The following ADI1 variants were observed in gnomAD, a reference collection of about 807,000 sequenced individuals.
ADI1 encodes the protein acireductone dioxygenase 1.
Under a neutral mutation model 18.7 loss-of-function variants are expected in ADI1, and 21 were observed. The ratio of observed to expected loss-of-function variants is 1.13; its 90% CI spans 0.80 to 1.62. The LOEUF is 1.62. Ranked by LOEUF, ADI1 falls within the 40% of genes most tolerant of loss-of-function variation. ADI1 has a pLI of 0.00. For synonymous variants in ADI1, 90 were observed against 100.1 expected, an observed-to-expected ratio of 0.90 and a Z score of 0.60; for missense variants, 245 against 254.9, an observed-to-expected ratio of 0.96 and a Z score of 0.26.
intron 1 of ADI1, among the ~76,000 whole-genome samples, chr2:3,518,894 G>A: frequency 6.6e-6 from 1 of 152,204 alleles, no homozygotes; most frequent in East Asian, 1.9e-4. Flanking sequence ...CTGCGCGTGC[G>A]CAGCGAGTCC....
chr2:3,516,821 T>C (rs1667419321), intron 1 of ADI1: 2 of 985,334 alleles, frequency 2.0e-6, no homozygotes, highest in Non-Finnish European at 2.4e-6. Context: ...ATTAAACAGA[T>C]ACACAAACAT....
rs765128004 is a variant in ADI1, at chr2:3,513,974, C to T, written c.123G>A (p.Leu41=). ...GATCATTCTCATATTTGTCAGCATCCAGCTAAAAGAGTTAACCCACCAAAA... is the reference window on the plus strand; with the variant it reads ...GATCATTCTCATATTTGTCAGCATCTAGCTAAAAGAGTTAACCCACCAAAA... The part of the protein sequence containing the change: ...LRRLGVLYWK[L]DADKYENDPE... Residue 41 remains leucine (L), a splice_region_variant and synonymous_variant, in exon 2 of 4, where the codon CTG becomes CTA. Transcript: ENST00000327435. 3.1e-6 allele frequency: 5 copies of T among 1,598,970 alleles called. No homozygotes were observed. The East Asian group carries it at 1.1e-4, about 36-fold the overall frequency.
At chr2:3,508,063 G>A (rs1024239065) in intron 2 of ADI1, among the ~76,000 whole-genome samples, 2 of 151,950 alleles carry the variant, frequency 1.3e-5, no homozygotes, top group African/African-American at 4.8e-5. Context: ...GGCCGGGCAC[G>A]GTGGCTCACA....
rs189573747 is a variant in ADI1, at chr2:3,501,165, C to T, written c.241-172G>A. ...AATTATTTTCCTAACAGTACAAGGG[C>T]CAGAGCTAGAATATTTTATGAAACC... On this transcript the variant is annotated intron_variant, in intron 2 of 3. Coordinates refer to ENST00000327435, the MANE Select transcript of ADI1 (RefSeq NM_018269.4). Among the ~76,000 whole-genome samples, 6 of 152,246 alleles carry T rather than the reference C, an allele frequency of 3.9e-5. No homozygotes were observed. The East Asian group carries it at 1.2e-3, about 29-fold the overall frequency.
At chr2:3,512,518 G>T (rs1195529898) in intron 2 of ADI1, among the ~76,000 whole-genome samples, 1 of 152,194 alleles carries the variant, frequency 6.6e-6, no homozygotes, top group African/African-American at 2.4e-5. Context: ...GATCAAAAGG[G>T]CCCAGGTACA....
chr2:3,518,626 C>T (rs980454565), intron 1 of ADI1, among the ~76,000 whole-genome samples: 3 of 151,856 alleles, frequency 2.0e-5, no homozygotes, highest in Non-Finnish European at 4.4e-5. Context: ...ACCCCACCAC[C>T]GAGCGCTACC....
At chr2:3,500,504 G>A in intron 3 of ADI1, 2 of 288,720 alleles carry the variant, frequency 6.9e-6, no homozygotes, top group Non-Finnish European at 5.7e-6. Flanking sequence ...CTGGGGCAGG[G>A]CCAGGCTCGT....
intron 1 of ADI1, 35 bp downstream of exon 1, chr2:3,519,333 C>T (rs1378753683): frequency 7.3e-7 from 1 of 1,362,316 alleles, no homozygotes; most frequent in African/African-American, 1.5e-5. Flanking sequence ...GGGTCGGCGT[C>T]GCCCGCACGC....
intron 1 of ADI1, among the ~76,000 whole-genome samples, chr2:3,518,139 G>GT (rs1487031429): frequency 6.6e-6 from 1 of 152,196 alleles, no homozygotes; most frequent in Non-Finnish European, 1.5e-5. Flanking sequence ...CTCCAGCAAG[G>GT]TAAGTGTTAA....
At chr2:3,506,326 TG>T (rs980240287) in intron 2 of ADI1, among the ~76,000 whole-genome samples, 19 of 152,328 alleles carry the variant, frequency 1.2e-4, no homozygotes, top group Middle Eastern at 3.4e-3. Flanking sequence ...GAAAAGCTCC[TG>T]GAACTAACAA....
intron 2 of ADI1, among the ~76,000 whole-genome samples, chr2:3,507,503 C>T (rs1395554388): frequency 6.6e-6 from 1 of 151,478 alleles, no homozygotes; most frequent in African/African-American, 2.4e-5. Flanking sequence ...ACTATACAAG[C>T]AAGCAAGAAA....
intron 2 of ADI1, among the ~76,000 whole-genome samples, chr2:3,504,623 C>T (rs371719154): frequency 9.2e-5 from 14 of 152,262 alleles, no homozygotes; most frequent in African/African-American, 3.4e-4. Context: ...TTTCCACATC[C>T]TTAAGCTCTT....
At chr2:3,518,480 G>C (rs1667455743) in intron 1 of ADI1, among the ~76,000 whole-genome samples, 2 of 152,214 alleles carry the variant, frequency 1.3e-5, no homozygotes, top group African/African-American at 4.8e-5. Flanking sequence ...AGCGGATCTG[G>C]ACTGGTGCTG....
intron 1 of ADI1, 179 bp downstream of exon 1, chr2:3,519,189 G>A: frequency 1.1e-6 from 1 of 937,136 alleles, no homozygotes. Context: ...CCACTGCTGA[G>A]CATGCGCAGC....
intron 2 of ADI1, among the ~76,000 whole-genome samples, 190 bp from the exon 3 acceptor site, chr2:3,501,183 A>C (rs781146220): frequency 6.6e-6 from 1 of 152,256 alleles, no homozygotes; most frequent in Non-Finnish European, 1.5e-5. Context: ...AGAATATTTT[A>C]TGAAACCTGT....
chr2:3,505,912 A>T (rs1667166065), intron 2 of ADI1, among the ~76,000 whole-genome samples: 1 of 152,256 alleles, frequency 6.6e-6, no homozygotes, highest in African/African-American at 2.4e-5. Flanking sequence ...GTGAAAACAC[A>T]GTCGTCTATA....
intron 2 of ADI1, among the ~76,000 whole-genome samples, chr2:3,501,309 C>T (rs1024295680): frequency 2.0e-5 from 3 of 152,150 alleles, no homozygotes; most frequent in Non-Finnish European, 4.4e-5. Flanking sequence ...CTATCAGCCC[C>T]GTTTTACAGA....
At chr2:3,515,173 T>C (rs1186651383) in intron 1 of ADI1, 1 of 180,584 alleles carries the variant, frequency 5.5e-6, no homozygotes, top group Non-Finnish European at 1.2e-5. Flanking sequence ...AAAACACCCA[T>C]ATTTTTCTTC....
chr2:3,519,425 G>A lies in ADI1; in HGVS notation c.63C>T (p.Asp21=). ...GCTCCAGGCCCACTGGGCGGCCGGGGTCGGGGCGGTGGGGTTGCCGCGGGT... is the reference window on the plus strand; with the variant it reads ...GCTCCAGGCCCACTGGGCGGCCGGGATCGGGGCGGTGGGGTTGCCGCGGGT... The part of the protein sequence containing the change: ...PGDPRQPHRP[D]PGRPVGLEQL... Residue 21 remains aspartate (D), a synonymous_variant, in exon 1 of 4, where the codon GAC becomes GAT. Transcript: ENST00000327435. 1.5e-6 allele frequency: 2 copies of A among 1,378,330 alleles called. No homozygotes were observed. Among genetic ancestry groups the A allele is most frequent in the South Asian group, 3.4e-5 (2 of 59,488 alleles). 85.4% of individuals were successfully genotyped at this position (1,378,330 alleles called of 1,614,324 possible).
Sources: gnomAD v4.1 joint callset for allele counts (sites outside exome capture counted in the v4.1 genomes callset) on GRCh38, gnomAD v4.1.1 for gene constraint, MANE v1.5 for transcripts, NCBI Gene and HGNC (gene_info 2026-07-23, HGNC 2026-07-21) for gene names.